GALNT10: variants seen among roughly 807,000 people sequenced by gnomAD.
The protein encoded by GALNT10 is GalNAc transferase 10.
A neutral mutation model predicts 75.0 loss-of-function variants in GALNT10; 41 were observed. That is an observed-to-expected ratio of 0.55 (90% CI 0.43 to 0.71). GALNT10 has a LOEUF of 0.71. Among genes scored for constraint, GALNT10 ranks in the 30% least tolerant of loss-of-function variants. GALNT10 has a pLI of 0.00. For synonymous variants in GALNT10, 302 were observed against 313.0 expected (o/e 0.96, Z 0.37); for missense variants, 727 against 818.5 (o/e 0.89, Z 1.36).
At chr5:154,281,464 T>G (rs1754037617) in intron 1 of GALNT10, among the ~76,000 whole-genome samples, 1 of 152,136 alleles carries the variant, frequency 6.6e-6, no homozygotes, top group Non-Finnish European at 1.5e-5. Flanking sequence ...TAGCATTTGT[T>G]TTATAGATAA....
intron 1 of GALNT10, among the ~76,000 whole-genome samples, chr5:154,290,523 T>G (rs923118135): frequency 6.6e-6 from 1 of 152,208 alleles, no homozygotes; most frequent in Non-Finnish European, 1.5e-5. Context: ...CTACATGATT[T>G]GGTGAGATGT....
rs527276478 is a variant in GALNT10, at chr5:154,232,070, A to G, written c.159+41045A>G. 5.3e-5 allele frequency among the ~76,000 whole-genome samples: 8 copies of G among 152,254 alleles called. No homozygotes were observed. The South Asian group carries it at 1.7e-3, about 31-fold the overall frequency. On this transcript the variant is annotated intron_variant, in intron 1 of 11. Transcript: ENST00000297107. ...TCAGCAAACTACCAAACAGTGACCT[A>G]TGAGAACCTTTAAGGCAGTGGGAAT... is the stretch of plus-strand genomic sequence containing the variant.
intron 6 of GALNT10, among the ~76,000 whole-genome samples, chr5:154,385,913 T>G (rs1257717385): frequency 6.6e-6 from 1 of 152,192 alleles, no homozygotes; most frequent in African/African-American, 2.4e-5. Context: ...AGCTGTATAT[T>G]TTTTCATCTC....
chr5:154,346,132 G>T (rs981325581), intron 4 of GALNT10, among the ~76,000 whole-genome samples: 1 of 88,404 alleles, frequency 1.1e-5, no homozygotes, highest in African/African-American at 3.4e-5. Context: ...AATAATATTC[G>T]TGTGTGCGTG....
In GALNT10 at chr5:154,214,917, G is replaced by A. The variant is rs541994556; in HGVS notation, c.159+23892G>A. ...AGAGCCCCTGCCCCACTTCTGAAAT[G>A]GGGATAATAACAGTAATGGCTATGT... is the stretch of plus-strand genomic sequence containing the variant. On this transcript the variant is annotated intron_variant, in intron 1 of 11. Coordinates refer to ENST00000297107, the MANE Select transcript of GALNT10 (RefSeq NM_198321.4). 2.6e-5 allele frequency among the ~76,000 whole-genome samples: 4 copies of A among 152,302 alleles called. No individual in the cohort carries two copies. In the East Asian group the frequency reaches 7.7e-4, roughly 29 times the overall value.
intron 3 of GALNT10, among the ~76,000 whole-genome samples, chr5:154,310,021 G>A (rs922400242): frequency 6.6e-6 from 1 of 152,192 alleles, no homozygotes; most frequent in Non-Finnish European, 1.5e-5. Context: ...AATGGAGTTT[G>A]TGGTCAGCGT....
intron 7 of GALNT10, 58 bp downstream of exon 7, chr5:154,386,488 G>A (rs1411611521): frequency 1.9e-6 from 2 of 1,075,258 alleles, no homozygotes; most frequent in Non-Finnish European, 2.9e-6. Context: ...GCCTGTCCCA[G>A]TAGGTGTCTC....
intron 4 of GALNT10, among the ~76,000 whole-genome samples, chr5:154,362,325 T>C (rs1168379334): frequency 6.6e-6 from 1 of 152,100 alleles, no homozygotes; most frequent in Non-Finnish European, 1.5e-5. Flanking sequence ...TCAGAATGCA[T>C]AGACCTCCCA....
At chr5:154,357,186 T>G (rs1392148329) in intron 4 of GALNT10, among the ~76,000 whole-genome samples, 1 of 152,130 alleles carries the variant, frequency 6.6e-6, no homozygotes, top group Non-Finnish European at 1.5e-5. Context: ...GAGGGTTTGG[T>G]GTAAGGGAAC....
At chr5:154,378,629 T>C (rs1582000064) in intron 5 of GALNT10, among the ~76,000 whole-genome samples, 1 of 152,118 alleles carries the variant, frequency 6.6e-6, no homozygotes, top group African/African-American at 2.4e-5. Context: ...CCCCATGAGA[T>C]AGGTGCTGTC....
chr5:154,337,710 C>A (rs913295060), intron 4 of GALNT10: 5 of 1,208,980 alleles, frequency 4.1e-6, no homozygotes, highest in Non-Finnish European at 4.8e-6. Context: ...GCCATCCCCA[C>A]CGCCACCATA....
intron 4 of GALNT10, among the ~76,000 whole-genome samples, chr5:154,332,231 G>A (rs1754878170): frequency 6.6e-6 from 1 of 152,124 alleles, no homozygotes; most frequent in Non-Finnish European, 1.5e-5. Context: ...CACCACCTGG[G>A]GACAAACACC....
chr5:154,329,497 A>C, intron 3 of GALNT10, 75 bp from the exon 4 acceptor site: 138 of 1,256,342 alleles, frequency 1.1e-4, no homozygotes, highest in Non-Finnish European at 1.4e-4. Context: ...GCAGTTAGCC[A>C]AACCCTGTGC....
chr5:154,369,829 G>A (rs1358974334), intron 4 of GALNT10, among the ~76,000 whole-genome samples: 2 of 152,206 alleles, frequency 1.3e-5, no homozygotes, highest in African/African-American at 4.8e-5. Context: ...GACTCATCTG[G>A]TTGGTGGCCC....
intron 1 of GALNT10, among the ~76,000 whole-genome samples, chr5:154,281,748 T>A (rs1561649188): frequency 6.6e-6 from 1 of 152,210 alleles, no homozygotes; most frequent in Non-Finnish European, 1.5e-5. Context: ...TTCTCTCACT[T>A]CAAAGTCTGA....
intron 1 of GALNT10, among the ~76,000 whole-genome samples, chr5:154,213,720 T>C (rs982256987): frequency 5.9e-5 from 9 of 152,182 alleles, no homozygotes; most frequent in African/African-American, 2.2e-4. Flanking sequence ...TTGCTGGGAC[T>C]ATAGGCAGGT....
At chr5:154,281,948 G>GT (rs1022060928) in intron 1 of GALNT10, among the ~76,000 whole-genome samples, 7 of 152,284 alleles carry the variant, frequency 4.6e-5, no homozygotes, top group African/African-American at 1.4e-4. Context: ...CACATTAGTA[G>GT]TTTTTTCTGG....
chr5:154,395,963 A>G (rs1228927825), intron 7 of GALNT10, among the ~76,000 whole-genome samples: 1 of 152,172 alleles, frequency 6.6e-6, no homozygotes, highest in East Asian at 1.9e-4. Flanking sequence ...GATGAGGCCC[A>G]AGGTTGAAAA....
chr5:154,333,973 A>G (rs1206555893), intron 4 of GALNT10, among the ~76,000 whole-genome samples: 1 of 152,234 alleles, frequency 6.6e-6, no homozygotes, highest in Admixed American at 6.5e-5. Context: ...TGGGAGAAAC[A>G]ATTTCAGAAT....
Sources: gnomAD v4.1 joint callset for allele counts (sites outside exome capture counted in the v4.1 genomes callset) on GRCh38, gnomAD v4.1.1 for gene constraint, MANE v1.5 for transcripts, NCBI Gene and HGNC (gene_info 2026-07-23, HGNC 2026-07-21) for gene names.